RIPK1: variants seen among roughly 807,000 people sequenced by gnomAD.
RIPK1 encodes receptor-interacting serine/threonine-protein kinase 1.
A neutral mutation model predicts 62.4 loss-of-function variants in RIPK1; 27 were observed. The observed-to-expected ratio is 0.43, with a 90% CI of 0.32 to 0.60. RIPK1 has a LOEUF of 0.60. Among genes scored for constraint, RIPK1 ranks in the 20% least tolerant of loss-of-function variants. The pLI, the probability that RIPK1 is intolerant of heterozygous loss-of-function variation, is 0.07. For missense variants in RIPK1, 735 were observed against 831.0 expected, an observed-to-expected ratio of 0.88 and a Z score of 1.42; for synonymous variants, 287 against 303.2, an observed-to-expected ratio of 0.95 and a Z score of 0.55.
At position 3,113,494 on chromosome 6, in the gene RIPK1, G is replaced by A. The variant is rs1761270145; in HGVS notation, c.*155G>A. On this transcript the variant is annotated 3_prime_UTR_variant, in exon 11 of 11. Transcript: ENST00000259808. The surrounding 1 kb of genome is among the most constrained non-coding windows in gnomAD (Gnocchi z 5.0). The stretch of plus-strand genomic sequence containing the variant: ...CCTGTACTTCATAGCTGGAGAATGG[G>A]GAAAGAAATCTGCAGCAAAGGGGTC... 1 of 667,498 alleles carries A rather than the reference G, an allele frequency of 1.5e-6. No homozygotes were observed. Among genetic ancestry groups the A allele is most frequent in the Non-Finnish European group, 2.5e-6 (1 of 405,968 alleles). 41.3% of individuals were successfully genotyped at this position (667,498 alleles called of 1,614,324 possible).
intron 9 of RIPK1, among the ~76,000 whole-genome samples, chr6:3,110,263 G>A (rs1318844943): frequency 2.0e-5 from 3 of 148,602 alleles, no homozygotes; most frequent in Admixed American, 1.4e-4. Context: ...CTGGAGTGCA[G>A]TGGCACGATC....
intron 9 of RIPK1, among the ~76,000 whole-genome samples, chr6:3,106,713 T>C (rs1760867340): frequency 6.6e-6 from 1 of 152,216 alleles, no homozygotes; most frequent in African/African-American, 2.4e-5. Flanking sequence ...TTAGTTACAT[T>C]TTCTTTCAAA....
At position 3,113,450 on chromosome 6, in the gene RIPK1, G is replaced by A. The variant is rs1413600401; in HGVS notation, c.*111G>A. On this transcript the variant is annotated 3_prime_UTR_variant, in exon 11 of 11. Transcript: ENST00000259808. The surrounding 1 kb of genome is among the most constrained non-coding windows in gnomAD (Gnocchi z 5.0). ...CTGTCCTCACTGATAGGGGTTCTGTGTCTGCAGAAATTTTGTTTCCTGTAC... is the reference window on the plus strand; with the variant it reads ...CTGTCCTCACTGATAGGGGTTCTGTATCTGCAGAAATTTTGTTTCCTGTAC... The A allele has an allele frequency of 9.5e-7, 1 of 1,050,124 alleles. No homozygotes were observed. Among genetic ancestry groups the A allele is most frequent in the South Asian group, 1.8e-5 (1 of 55,720 alleles). 65.1% of individuals were successfully genotyped at this position (1,050,124 alleles called of 1,614,324 possible).
intron 10 of RIPK1, among the ~76,000 whole-genome samples, chr6:3,111,451 T>A (rs1431956734): frequency 6.6e-6 from 1 of 151,912 alleles, no homozygotes; most frequent in Non-Finnish European, 1.5e-5. Context: ...CTGGAAAAAG[T>A]CATGAGGCCA....
chr6:3,068,835 G>T, intron 1 of RIPK1, 174 bp downstream of exon 1: 1 of 237,576 alleles, frequency 4.2e-6, no homozygotes, highest in Non-Finnish European at 6.8e-6. Context: ...CGGGCCTCCA[G>T]ACGTTTGCCG....
At chr6:3,088,952 A>G (rs1419090043) in intron 6 of RIPK1, 1 of 152,202 alleles carries the variant, frequency 6.6e-6, no homozygotes, top group Admixed American at 6.5e-5. Flanking sequence ...TCTGAGATAT[A>G]TGAGGAAAAG....
At chr6:3,074,357 T>C (rs1758939356) in intron 1 of RIPK1, among the ~76,000 whole-genome samples, 1 of 152,270 alleles carries the variant, frequency 6.6e-6, no homozygotes, top group South Asian at 2.1e-4. Context: ...GCGGTTTTCA[T>C]TCATGTGTAT....
In RIPK1 at chr6:3,105,437, T is replaced by C; in HGVS notation, c.1007-45T>C. ...GGCGCTCAGATTTTATTTTACTTTT[T>C]AATGTTTCATGACACCCATTCTAAT... On this transcript the variant is annotated intron_variant, in intron 8 of 10. Transcript: ENST00000259808. This position sits in a 1 kb window ranked among gnomAD's most constrained non-coding sequence, Gnocchi z 4.5. 2.1e-6 allele frequency: 3 copies of C among 1,403,266 alleles called. No individual in the cohort carries two copies. The highest frequency in any genetic ancestry group is 2.9e-6 in the Non-Finnish European group (3 of 1,033,046). 86.9% of individuals were successfully genotyped at this position (1,403,266 alleles called of 1,614,324 possible). A position where few individuals can be genotyped will look rare whatever the true frequency, so the allele number is the denominator to read the frequency against.
At chr6:3,099,682 C>A (rs1215422795) in intron 7 of RIPK1, among the ~76,000 whole-genome samples, 1 of 152,206 alleles carries the variant, frequency 6.6e-6, no homozygotes, top group Non-Finnish European at 1.5e-5. Context: ...GAACCCGTTA[C>A]AATTTTTCAT....
rs1450400946 is a variant in RIPK1 at position 3,072,733 on chromosome 6, C to T, written c.-60-4031C>T. On this transcript the variant is annotated intron_variant, in intron 1 of 10. Coordinates refer to ENST00000259808, the MANE Select transcript of RIPK1 (RefSeq NM_001354930.2). This position sits in a 1 kb window ranked among gnomAD's most constrained non-coding sequence, Gnocchi z 5.6. The stretch of plus-strand genomic sequence containing the variant: ...GGAAGACTTAGGATGGCTTCCTTGA[C>T]AAAATGACAGTTCTCTGACACCTAA... Among the ~76,000 whole-genome samples, 1 of 152,108 alleles carries T rather than the reference C, an allele frequency of 6.6e-6. No homozygotes were observed. Among genetic ancestry groups the T allele is most frequent in the African/African-American group, 2.4e-5 (1 of 41,392 alleles).
At chr6:3,081,146 G>C (rs1293238646) in intron 4 of RIPK1, 30 bp downstream of exon 4, 2 of 1,606,258 alleles carry the variant, frequency 1.2e-6, no homozygotes, top group Non-Finnish European at 1.7e-6. Context: ...CTTCCAGAAA[G>C]TTGGGTGATT....
upstream of RIPK1, among the ~76,000 whole-genome samples, chr6:3,065,489 A>G (rs1260669400): frequency 6.6e-6 from 1 of 151,854 alleles, no homozygotes; most frequent in Non-Finnish European, 1.5e-5. Context: ...ACAGGATCCA[A>G]AGTGGGAAGA....
Position 3,083,325 on chromosome 6 carries a change from C to A in RIPK1, c.688+12C>A, listed in dbSNP as rs765777049. 6.2e-7 allele frequency: 1 copy of A among 1,602,232 alleles called. No individual in the cohort carries two copies. The highest frequency in any genetic ancestry group is 1.3e-5 in the African/African-American group (1 of 74,488). ...GGAGCCATATGAAAGTAAGGCATTA[C>A]TTACTTTCCACTGCCGTCCCCTCAG... On this transcript the variant is annotated intron_variant, in intron 5 of 10. Coordinates refer to ENST00000259808, the MANE Select transcript of RIPK1 (RefSeq NM_001354930.2).
intron 5 of RIPK1, among the ~76,000 whole-genome samples, chr6:3,083,649 G>A (rs533322289): frequency 1.3e-4 from 20 of 152,212 alleles, no homozygotes; most frequent in African/African-American, 2.9e-4. Flanking sequence ...CACTTGAGTC[G>A]GCATTGGGAA....
chr6:3,079,229 A>G (rs2113587409), intron 3 of RIPK1, among the ~76,000 whole-genome samples: 1 of 152,208 alleles, frequency 6.6e-6, no homozygotes, highest in African/African-American at 2.4e-5. Flanking sequence ...ACAGGCGCCT[A>G]CCACCATGCC....
chr6:3,099,625 A>G (rs1163917364), intron 7 of RIPK1, among the ~76,000 whole-genome samples: 1 of 152,248 alleles, frequency 6.6e-6, no homozygotes, highest in Non-Finnish European at 1.5e-5. Flanking sequence ...ACTGAACAAC[A>G]TACTTCAGAA....
chr6:3,106,183 G>T, intron 9 of RIPK1, 132 bp downstream of exon 9: 1 of 709,622 alleles, frequency 1.4e-6, no homozygotes, highest in Non-Finnish European at 2.3e-6. Context: ...GATGCAAATT[G>T]CCCCTGTGGA....
At position 3,087,819 on chromosome 6, in the gene RIPK1, T is replaced by G. The variant is rs1205062690; in HGVS notation, c.839-1762T>G. On this transcript the variant is annotated intron_variant, in intron 6 of 10. Coordinates refer to ENST00000259808, the MANE Select transcript of RIPK1 (RefSeq NM_001354930.2). ...CTCCCAAAGTGTGGGATTACAGGTGTGAGCCACTGTGTCCGGCCTACCGAG... is the reference window on the plus strand; with the variant it reads ...CTCCCAAAGTGTGGGATTACAGGTGGGAGCCACTGTGTCCGGCCTACCGAG... 5.3e-5 allele frequency among the ~76,000 whole-genome samples: 8 copies of G among 152,182 alleles called. No homozygotes were observed. In the South Asian group the frequency reaches 1.0e-3, roughly 20 times the overall value.
At chr6:3,064,409 C>G (rs910297351), upstream of RIPK1, among the ~76,000 whole-genome samples, 1 of 152,228 alleles carries the variant, frequency 6.6e-6, no homozygotes, top group Non-Finnish European at 1.5e-5. Flanking sequence ...GACGTCTGTC[C>G]TGGTTCTTCT....
Sources: gnomAD v4.1 joint callset for allele counts (sites outside exome capture counted in the v4.1 genomes callset) on GRCh38, gnomAD v4.1.1 for gene constraint, Gnocchi (gnomAD v3.1) non-coding constraint, MANE v1.5 for transcripts, NCBI Gene and HGNC (gene_info 2026-07-23, HGNC 2026-07-21) for gene names.